SPOCK3: variants seen among roughly 807,000 people sequenced by gnomAD.
SPOCK3 encodes the protein testican-3.
SPOCK3 carries 30 observed loss-of-function variants against 56.6 expected under a neutral mutation model. That is an observed-to-expected ratio of 0.53 (90% CI 0.40 to 0.72). SPOCK3 has a LOEUF of 0.72. SPOCK3 is among the 30% of genes least tolerant of loss of function. The pLI, the probability that SPOCK3 is intolerant of heterozygous loss-of-function variation, is 0.00. For synonymous variants in SPOCK3, 196 were observed against 183.3 expected (o/e 1.07, Z -0.56); for missense variants, 527 against 530.0 (o/e 0.99, Z 0.06).
intron 4 of SPOCK3, among the ~76,000 whole-genome samples, chr4:166,938,886 A>C (rs1183969588): frequency 6.6e-6 from 1 of 152,050 alleles, no homozygotes; most frequent in Non-Finnish European, 1.5e-5. Flanking sequence ...GGTTATGAAT[A>C]AGAACACCAA....
intron 2 of SPOCK3, among the ~76,000 whole-genome samples, chr4:167,090,139 T>C (rs891940917): frequency 2.6e-5 from 4 of 152,182 alleles, no homozygotes; most frequent in Admixed American, 6.5e-5. Flanking sequence ...CATAAATACT[T>C]ATGAGTAGGA....
chr4:167,201,032 A>G (rs933264831), intron 2 of SPOCK3, among the ~76,000 whole-genome samples: 2 of 152,026 alleles, frequency 1.3e-5, no homozygotes, highest in African/African-American at 4.8e-5. Context: ...AATTGAGCTG[A>G]GTAAAATTTC....
chr4:167,186,633 CA>C (rs544535784), intron 2 of SPOCK3, among the ~76,000 whole-genome samples: 1 of 150,182 alleles, frequency 6.7e-6, no homozygotes, highest in Non-Finnish European at 1.5e-5. Flanking sequence ...GTCTCAAAAA[CA>C]AAAAACAAAC....
chr4:167,135,680 CGTGTGTGTGTGTGTGTGTGTGT>C (rs57918767), intron 2 of SPOCK3, among the ~76,000 whole-genome samples: 10 of 147,772 alleles, frequency 6.8e-5, no homozygotes, highest in East Asian at 2.0e-4. Flanking sequence ...CTATATAAAA[CGTGTGTGTGTGTGTGTGTGTGT>C]GTGTGTGTGT....
intron 2 of SPOCK3, among the ~76,000 whole-genome samples, chr4:167,141,066 T>G (rs1019724500): frequency 5.3e-5 from 8 of 151,768 alleles, no homozygotes; most frequent in African/African-American, 4.8e-5. Context: ...CCCAGAGGAG[T>G]TGGCCTCCTG....
intron 3 of SPOCK3, among the ~76,000 whole-genome samples, chr4:167,058,489 T>G (rs28873710): frequency 0.013 from 1,946 of 152,008 alleles, 39 homozygotes; most frequent in African/African-American, 0.044. Context: ...CACTGCTCAA[T>G]GAAATAAAAG....
chr4:166,933,063 G>T (rs920664461), intron 4 of SPOCK3, among the ~76,000 whole-genome samples: 1 of 151,964 alleles, frequency 6.6e-6, no homozygotes, highest in South Asian at 2.1e-4. Flanking sequence ...TTTTTAATGT[G>T]ATTGCCAAAT....
intron 3 of SPOCK3, among the ~76,000 whole-genome samples, chr4:167,060,929 C>T (rs1755539662): frequency 6.6e-6 from 1 of 152,026 alleles, no homozygotes. Flanking sequence ...ATATCAAACA[C>T]TTGGAGTAGT....
At chr4:167,215,718 G>A (rs896431896) in intron 2 of SPOCK3, among the ~76,000 whole-genome samples, 1 of 152,100 alleles carries the variant, frequency 6.6e-6, no homozygotes, top group Non-Finnish European at 1.5e-5. Context: ...ATGTTGTTTG[G>A]TGTTGATGTT....
At chr4:167,131,804 T>C (rs1055768612) in intron 2 of SPOCK3, among the ~76,000 whole-genome samples, 3 of 152,192 alleles carry the variant, frequency 2.0e-5, no homozygotes, top group Admixed American at 6.6e-5. Context: ...ATAGAATTTT[T>C]TTAACGCTGC....
intron 2 of SPOCK3, among the ~76,000 whole-genome samples, chr4:167,147,966 A>C (rs574985765): frequency 2.4e-4 from 37 of 152,234 alleles, no homozygotes; most frequent in Middle Eastern, 3.4e-3. Context: ...AATAAAAAGA[A>C]AGAAAGAAAG....
chr4:167,196,538 T>A (rs1732970588), intron 2 of SPOCK3, among the ~76,000 whole-genome samples: 1 of 151,948 alleles, frequency 6.6e-6, no homozygotes, highest in Non-Finnish European at 1.5e-5. Flanking sequence ...ACATTTAGAG[T>A]GCCTTACTGA....
intron 6 of SPOCK3, 138 bp downstream of exon 6, chr4:166,888,992 T>C: frequency 1.6e-6 from 1 of 635,854 alleles, no homozygotes; most frequent in South Asian, 1.9e-5. Context: ...CAGGAAAATA[T>C]CTTCAATAAA....
intron 6 of SPOCK3, among the ~76,000 whole-genome samples, chr4:166,838,646 T>C (rs140173140): frequency 6.7e-6 from 1 of 148,780 alleles, no homozygotes; most frequent in Non-Finnish European, 1.5e-5. Context: ...ATCTTTATCA[T>C]TGCTACATTA....
chr4:166,747,701 G>A (rs1243903561), intron 8 of SPOCK3, among the ~76,000 whole-genome samples: 1 of 152,086 alleles, frequency 6.6e-6, no homozygotes, highest in African/African-American at 2.4e-5. Context: ...AATTGTCCCT[G>A]TTTGCAGATG....
intron 4 of SPOCK3, among the ~76,000 whole-genome samples, chr4:166,969,432 G>A (rs896319194): frequency 2.0e-5 from 3 of 151,824 alleles, no homozygotes; most frequent in African/African-American, 7.3e-5. Context: ...GATCATGGAG[G>A]TGAATTTCCT....
chr4:167,148,097 T>C (rs986765983), intron 2 of SPOCK3, among the ~76,000 whole-genome samples: 7 of 152,178 alleles, frequency 4.6e-5, no homozygotes, highest in Admixed American at 6.5e-5. Flanking sequence ...GATGGAGATA[T>C]GGCCTCATTT....
chr4:167,159,170 G>A (rs971658821), intron 2 of SPOCK3, among the ~76,000 whole-genome samples: 7 of 151,894 alleles, frequency 4.6e-5, no homozygotes, highest in Non-Finnish European at 1.0e-4. Flanking sequence ...CATCTAAAAA[G>A]TAATAACTAT....
intron 5 of SPOCK3, among the ~76,000 whole-genome samples, chr4:166,909,946 T>C (rs17052668): frequency 0.029 from 4,450 of 152,214 alleles, 188 homozygotes; most frequent in African/African-American, 0.091. Flanking sequence ...GGTCTTTGTT[T>C]TTGATCAGTA....
Sources: gnomAD v4.1 joint callset for allele counts (sites outside exome capture counted in the v4.1 genomes callset) on GRCh38, gnomAD v4.1.1 for gene constraint, MANE v1.5 for transcripts, NCBI Gene and HGNC (gene_info 2026-07-23, HGNC 2026-07-21) for gene names.